The following ADAMTS3 variants were observed in gnomAD, a reference collection of about 807,000 sequenced individuals.
ADAMTS3 encodes ADAM metallopeptidase with thrombospondin type 1 motif 3.
A neutral mutation model predicts 129.0 loss-of-function variants in ADAMTS3; 73 were observed. The observed-to-expected ratio is 0.57, with a 90% CI of 0.47 to 0.69. The LOEUF is 0.69. Among genes scored for constraint, ADAMTS3 ranks in the 30% least tolerant of loss-of-function variants. The pLI is 0.00. For missense variants in ADAMTS3, 1,457 were observed against 1,514.5 expected, an observed-to-expected ratio of 0.96 and a Z score of 0.63; for synonymous variants, 477 against 510.8, an observed-to-expected ratio of 0.93 and a Z score of 0.89.
At chr4:72,520,341 A>G (rs1379679055) in intron 3 of ADAMTS3, among the ~76,000 whole-genome samples, 1 of 152,190 alleles carries the variant, frequency 6.6e-6, no homozygotes, top group African/African-American at 2.4e-5. Flanking sequence ...CTCCAGCTGC[A>G]TGCTGGGAGA....
intron 3 of ADAMTS3, among the ~76,000 whole-genome samples, chr4:72,514,064 C>T (rs1553919867): frequency 6.6e-6 from 1 of 152,108 alleles, no homozygotes; most frequent in Non-Finnish European, 1.5e-5. Flanking sequence ...TCATCTCTCT[C>T]CTTCTTCCTC....
intron 10 of ADAMTS3, 54 bp from the exon 11 acceptor site, chr4:72,316,025 C>A: frequency 2.8e-6 from 3 of 1,075,710 alleles, no homozygotes; most frequent in African/African-American, 1.6e-5. Context: ...ATGACATGCA[C>A]CAAAAATATA....
At chr4:72,390,876 A>C (rs1721574235) in intron 4 of ADAMTS3, among the ~76,000 whole-genome samples, 1 of 139,604 alleles carries the variant, frequency 7.2e-6, no homozygotes, top group Non-Finnish European at 1.5e-5. Context: ...CCTTTTTCCT[A>C]GGTTCCTAGA....
chr4:72,376,592 C>T (rs950660443), intron 4 of ADAMTS3, among the ~76,000 whole-genome samples: 1 of 151,924 alleles, frequency 6.6e-6, no homozygotes, highest in Non-Finnish European at 1.5e-5. Flanking sequence ...CTGATTGGTC[C>T]CAGCAACCCC....
At chr4:72,530,979 AT>A (rs1430621556) in intron 3 of ADAMTS3, among the ~76,000 whole-genome samples, 1 of 150,136 alleles carries the variant, frequency 6.7e-6, no homozygotes, top group Non-Finnish European at 1.5e-5. Context: ...AATGTTTGGA[AT>A]TTAATGGGAA....
At chr4:72,479,670 C>A (rs1273587539) in intron 3 of ADAMTS3, among the ~76,000 whole-genome samples, 1 of 152,068 alleles carries the variant, frequency 6.6e-6, no homozygotes, top group African/African-American at 2.4e-5. Flanking sequence ...AAAGCAATGG[C>A]AACAAAAGAC....
chr4:72,370,745 G>C (rs922597024), intron 4 of ADAMTS3, among the ~76,000 whole-genome samples: 1 of 152,084 alleles, frequency 6.6e-6, no homozygotes, highest in African/African-American at 2.4e-5. Context: ...GTGAGACTCT[G>C]TCTCTAAATA....
intron 3 of ADAMTS3, among the ~76,000 whole-genome samples, chr4:72,475,243 A>G (rs1719198327): frequency 6.6e-6 from 1 of 151,988 alleles, no homozygotes; most frequent in Non-Finnish European, 1.5e-5. Flanking sequence ...TTAAAAGCAT[A>G]ACAAAATTAC....
intron 5 of ADAMTS3, among the ~76,000 whole-genome samples, chr4:72,334,108 C>G (rs1719924906): frequency 6.6e-6 from 1 of 151,750 alleles, no homozygotes; most frequent in Non-Finnish European, 1.5e-5. Context: ...CCGCCTAGGC[C>G]TCCCAAAGTG....
In ADAMTS3 at chr4:72,556,071, C is replaced by A. The variant is rs1036665891; in HGVS notation, c.98-7187G>T. Among the ~76,000 whole-genome samples, 5 of 151,762 alleles carry A rather than the reference C, an allele frequency of 3.3e-5. No individual in the cohort carries two copies. The South Asian group carries it at 8.3e-4, about 25-fold the overall frequency. ...GGCAAAACCCGCAATTACTTTTGCA[C>A]CAACCTAAGAGCAGTGTGAGAACAG... On this transcript the variant is annotated intron_variant, in intron 2 of 21. Transcript: ENST00000286657.
In ADAMTS3 at chr4:72,346,554, T is replaced by C. The variant is rs115928119; in HGVS notation, c.662-6861A>G. On this transcript the variant is annotated intron_variant, in intron 4 of 21. Coordinates refer to ENST00000286657, the MANE Select transcript of ADAMTS3 (RefSeq NM_014243.3). Reference sequence around the variant, plus strand: ...TTCAGTCCCATTGCAACCATTTAATTTGATTTCATTTCAGTGGTTTATTGC... The same window carrying C: ...TTCAGTCCCATTGCAACCATTTAATCTGATTTCATTTCAGTGGTTTATTGC... Among the ~76,000 whole-genome samples the C allele has an allele frequency of 7.5e-3, 1,135 of 152,256 alleles. 11 individuals are homozygous for C. Among genetic ancestry groups the C allele is most frequent in the Admixed American group, 0.022 (331 of 15,276 alleles).
intron 2 of ADAMTS3, among the ~76,000 whole-genome samples, chr4:72,559,690 T>C (rs971908836): frequency 4.0e-5 from 6 of 151,888 alleles, no homozygotes; most frequent in Admixed American, 2.6e-4. Flanking sequence ...ACAATAGTTA[T>C]GATTCTATCT....
At chr4:72,550,846 A>T (rs1721628384) in intron 2 of ADAMTS3, among the ~76,000 whole-genome samples, 1 of 152,168 alleles carries the variant, frequency 6.6e-6, no homozygotes, top group African/African-American at 2.4e-5. Context: ...TTGTATGTGT[A>T]CTGACAAAAC....
intron 4 of ADAMTS3, among the ~76,000 whole-genome samples, chr4:72,392,489 C>T (rs1429842158): frequency 6.6e-6 from 1 of 152,178 alleles, no homozygotes; most frequent in Admixed American, 6.5e-5. Context: ...GTATTTTGCA[C>T]TTGAAATTCA....
intron 4 of ADAMTS3, among the ~76,000 whole-genome samples, chr4:72,408,813 C>G (rs1289644532): frequency 6.6e-6 from 1 of 151,692 alleles, no homozygotes; most frequent in Non-Finnish European, 1.5e-5. Flanking sequence ...AAGCTGGAAA[C>G]CATCATTCTC....
At position 72,555,490 on chromosome 4, in the gene ADAMTS3, G is replaced by A. The variant is rs1380318241; in HGVS notation, c.98-6606C>T. ...AAACCTTCTTGGCAACTTATCCACA[G>A]AGTACAGACCTCCTGGCCTGAGCTT... On this transcript the variant is annotated intron_variant, in intron 2 of 21. Transcript: ENST00000286657. 1.3e-5 allele frequency among the ~76,000 whole-genome samples: 2 copies of A among 151,674 alleles called. 1 individual carries two copies. Among genetic ancestry groups the A allele is most frequent in the African/African-American group, 4.9e-5 (2 of 41,000 alleles).
chr4:72,477,335 A>G (rs1005262709), intron 3 of ADAMTS3, among the ~76,000 whole-genome samples: 6 of 152,164 alleles, frequency 3.9e-5, no homozygotes, highest in Admixed American at 6.5e-5. Flanking sequence ...AATTATAACA[A>G]ACTGTCTCTC....
intron 4 of ADAMTS3, among the ~76,000 whole-genome samples, chr4:72,414,290 T>C (rs187667868): frequency 4.6e-5 from 7 of 152,066 alleles, no homozygotes; most frequent in Admixed American, 4.6e-4. Flanking sequence ...TTAGCAGTTC[T>C]AGCCTAATTT....
intron 2 of ADAMTS3, among the ~76,000 whole-genome samples, chr4:72,551,424 T>C (rs1354774993): frequency 6.6e-6 from 1 of 152,204 alleles, no homozygotes; most frequent in Non-Finnish European, 1.5e-5. Flanking sequence ...TATGTTTCTA[T>C]AAAGCTTTAT....
Sources: allele counts gnomAD v4.1 joint callset (sites outside exome capture counted in the v4.1 genomes callset), GRCh38; gene constraint gnomAD v4.1.1; transcripts MANE v1.5; gene names NCBI Gene and HGNC (gene_info 2026-07-23, HGNC 2026-07-21).